The following CMTR1 variants were observed in gnomAD, a reference collection of about 807,000 sequenced individuals.
CMTR1 encodes cap methyltransferase 1.
CMTR1 carries 39 observed loss-of-function variants against 107.0 expected under a neutral mutation model. That is an observed-to-expected ratio of 0.36 (90% CI 0.28 to 0.48). The LOEUF is 0.48. CMTR1 is among the 20% of genes least tolerant of loss of function. The pLI, the probability that CMTR1 is intolerant of heterozygous loss-of-function variation, is 0.99. For missense variants in CMTR1, 672 were observed against 1,064.9 expected (o/e 0.63, Z 5.14); for synonymous variants, 366 against 379.5 (o/e 0.96, Z 0.41).
chr6:37,424,079 G>A, the CMTR1 span, among the ~76,000 whole-genome samples: 1,722 of 152,114 alleles, frequency 0.011, 24 homozygotes, highest in South Asian at 0.045. Flanking sequence ...CACAACTGCC[G>A]GCATTCACCC....
intron 4 of CMTR1, 69 bp downstream of exon 4, chr6:37,446,518 A>C: frequency 8.5e-6 from 13 of 1,535,288 alleles, no homozygotes; most frequent in Non-Finnish European, 1.1e-5. Context: ...TTAAGAAGCC[A>C]TATCAACAAA....
At chr6:37,448,042 C>G (rs950864999) in intron 4 of CMTR1, among the ~76,000 whole-genome samples, 4 of 151,754 alleles carry the variant, frequency 2.6e-5, no homozygotes, top group African/African-American at 9.7e-5. Flanking sequence ...AATCCCGTCT[C>G]TACTAAAAAA....
At chr6:37,426,242 T>A in the CMTR1 span, among the ~76,000 whole-genome samples, 2 of 152,196 alleles carry the variant, frequency 1.3e-5, no homozygotes, top group South Asian at 2.1e-4. Flanking sequence ...GACTTTTTTT[T>A]AAGTCTTTGT....
rs35749564 is a variant in CMTR1, at chr6:37,437,516, CAA to C, written c.133+1770_133+1771del. Among the ~76,000 whole-genome samples, 7 of 118,324 alleles carry C rather than the reference CAA, an allele frequency of 5.9e-5. No homozygotes were observed. The East Asian group carries it at 8.3e-4, about 14-fold the overall frequency. The allele number at this position is 118,324 out of a possible 152,430, so 77.6% of individuals were successfully genotyped here. On this transcript the variant is annotated intron_variant, in intron 2 of 23. Coordinates refer to ENST00000373451, the MANE Select transcript of CMTR1 (RefSeq NM_015050.3). ...CACTACACGGAGCAAGAGTCCGTCT[CAA>C]AAAAAAAAAAAAAAAGCTCATCAGC...
At position 37,462,095 on chromosome 6, in the gene CMTR1, T is replaced by A; in HGVS notation, c.1318T>A (p.Ser440Thr). 6.2e-7 allele frequency: 1 copy of A among 1,614,088 alleles called. No homozygotes were observed. The highest frequency in any genetic ancestry group is 8.5e-7 in the Non-Finnish European group (1 of 1,180,028). The change falls in exon 12 of 24, where the codon TCA becomes ACA. Residue 440 changes from serine (S) to threonine (T), a missense_variant. Physicochemically the swap from Ser to Thr is moderately conservative, Grantham distance 58 (BLOSUM62 1). Transcript: ENST00000373451. ...FKPITSRPAN[S>T]ERYVVCKGLK... Reference sequence around the variant, plus strand: ...GCCTATTACCAGCCGTCCTGCCAACTCAGAGAGGTGAAGCCTTTCTCTCTA... The same window carrying A: ...GCCTATTACCAGCCGTCCTGCCAACACAGAGAGGTGAAGCCTTTCTCTCTA...
chr6:37,451,753 C>T (rs1761176313), intron 5 of CMTR1, 53 bp from the exon 6 acceptor site: 1 of 1,364,262 alleles, frequency 7.3e-7, no homozygotes. Flanking sequence ...TCATTCATCC[C>T]CGACAATTGC....
chr6:37,461,367 C>T (rs1761400443), intron 10 of CMTR1, among the ~76,000 whole-genome samples, 182 bp from the exon 11 acceptor site: 1 of 152,234 alleles, frequency 6.6e-6, no homozygotes. Context: ...GGGTCCTGTG[C>T]TTACTCCATC....
intron 2 of CMTR1, among the ~76,000 whole-genome samples, chr6:37,439,020 G>A (rs965182694): frequency 1.3e-5 from 2 of 152,156 alleles, no homozygotes; most frequent in Non-Finnish European, 2.9e-5. Context: ...ATTTCTGTCT[G>A]TGTGGACCTT....
At position 37,473,558 on chromosome 6, in the gene CMTR1, G is replaced by T; in HGVS notation, c.1778G>T (p.Cys593Phe). ...ATCCGCCCTGTGTTTGACTACCGCT[G>T]CATGGTATCTGGCAGTGAGCAGAAG... ...EKIRPVFDYR[C>F]MVSGSEQKFL... The change falls in exon 17 of 24, where the codon TGC becomes TTC. Residue 593 changes from cysteine to phenylalanine, a missense_variant. Cys to Phe is a radical substitution (Grantham distance 205). Coordinates refer to ENST00000373451, the MANE Select transcript of CMTR1 (RefSeq NM_015050.3). 1 of 1,614,112 alleles carries T rather than the reference G, an allele frequency of 6.2e-7. No individual in the cohort carries two copies. Among genetic ancestry groups the T allele is most frequent in the Non-Finnish European group, 8.5e-7 (1 of 1,180,020 alleles).
intron 8 of CMTR1, among the ~76,000 whole-genome samples, chr6:37,455,207 C>T (rs938263171): frequency 4.6e-5 from 7 of 152,092 alleles, no homozygotes; most frequent in Admixed American, 3.3e-4. Context: ...GCCTCAGCCT[C>T]CCAAGTACTG....
chr6:37,466,481 A>T (rs971323060), intron 13 of CMTR1, among the ~76,000 whole-genome samples: 10 of 152,108 alleles, frequency 6.6e-5, no homozygotes. Context: ...ATTCATTTTA[A>T]GTTAATTTTT....
At chr6:37,479,892 C>T in intron 23 of CMTR1, 121 bp from the exon 24 acceptor site, 2 of 1,012,294 alleles carry the variant, frequency 2.0e-6, no homozygotes, top group Non-Finnish European at 1.4e-6. Context: ...CTTTTGCCTG[C>T]CGGGGGAAGA....
chr6:37,444,665 T>C (rs761406728), intron 3 of CMTR1, among the ~76,000 whole-genome samples: 20 of 152,246 alleles, frequency 1.3e-4, no homozygotes, highest in Non-Finnish European at 2.6e-4. Flanking sequence ...GAAGACCTGC[T>C]CATATTCCTT....
At chr6:37,435,261 A>G (rs1399733027) in intron 1 of CMTR1, among the ~76,000 whole-genome samples, 4 of 152,172 alleles carry the variant, frequency 2.6e-5, no homozygotes, top group Non-Finnish European at 5.9e-5. Flanking sequence ...TTTTCAGTGT[A>G]CATTGTCATG....
At chr6:37,467,034 G>T (rs1761525663) in intron 13 of CMTR1, among the ~76,000 whole-genome samples, 2 of 152,060 alleles carry the variant, frequency 1.3e-5, no homozygotes, top group African/African-American at 4.8e-5. Flanking sequence ...GCTGGGCATG[G>T]TGGCTTACAC....
intron 4 of CMTR1, among the ~76,000 whole-genome samples, chr6:37,447,587 A>G (rs1016619161): frequency 9.2e-5 from 14 of 152,342 alleles, no homozygotes; most frequent in African/African-American, 1.2e-4. Flanking sequence ...TAGGCCGGGC[A>G]TGGTGGCTTA....
chr6:37,443,348 A>G (rs1771712861), intron 2 of CMTR1, among the ~76,000 whole-genome samples: 1 of 151,078 alleles, frequency 6.6e-6, no homozygotes, highest in Non-Finnish European at 1.5e-5. Context: ...TATATTTGAC[A>G]ATGTACTTTC....
At chr6:37,455,368 C>T (rs1434867624) in intron 8 of CMTR1, among the ~76,000 whole-genome samples, 5 of 152,156 alleles carry the variant, frequency 3.3e-5, no homozygotes, top group Admixed American at 6.5e-5. Flanking sequence ...CGTGAGCTAC[C>T]GCGCCCAGCC....
chr6:37,435,527 A>G lies in CMTR1; in HGVS notation c.-6-97A>G, dbSNP rs185682070. 8.9e-4 allele frequency: 1,233 copies of G among 1,382,522 alleles called. 1 individual carries two copies. Among genetic ancestry groups the G allele is most frequent in the Non-Finnish European group, 1.1e-3 (1,155 of 1,023,572 alleles). The allele number at this position is 1,382,522 out of a possible 1,614,324, so 85.6% of individuals were successfully genotyped here. ...CACTGGAAGATGTGTAGAATTGCCA[A>G]ATCTCATCCCATTGATGATTTACAC... On this transcript the variant is annotated intron_variant, in intron 1 of 23. Coordinates refer to ENST00000373451, the MANE Select transcript of CMTR1 (RefSeq NM_015050.3).
Sources: gnomAD v4.1 joint callset for allele counts (sites outside exome capture counted in the v4.1 genomes callset) on GRCh38, gnomAD v4.1.1 for gene constraint, MANE v1.5 for transcripts, NCBI Gene and HGNC (gene_info 2026-07-23, HGNC 2026-07-21) for gene names.